The following IP6K2 variants were observed in gnomAD, a reference collection of about 807,000 sequenced individuals.
The protein encoded by IP6K2 is inositol hexakisphosphate kinase 2.
In IP6K2, 9 loss-of-function variants were observed where a neutral mutation model predicts 43.3. The observed-to-expected ratio is 0.21, with a 90% CI of 0.13 to 0.36. The LOEUF is 0.36. IP6K2 is among the 10% of genes least tolerant of loss of function. The probability of loss-of-function intolerance (pLI) is 1.00; values close to 1 mark genes in which losing one functional copy is unlikely to be tolerated. For missense variants in IP6K2, 332 were observed against 538.4 expected, an observed-to-expected ratio of 0.62 and a Z score of 3.79; for synonymous variants, 209 against 202.4, an observed-to-expected ratio of 1.03 and a Z score of -0.28.
chr3:48,699,889 C>A (rs2078840593), intron 1 of IP6K2: 1 of 152,066 alleles, frequency 6.6e-6, no homozygotes. Flanking sequence ...AAAAATTAAA[C>A]AGAATACAAC....
At position 48,692,975 on chromosome 3, in the gene IP6K2, C is replaced by G; in HGVS notation, c.407G>C (p.Arg136Pro). 1 of 1,612,338 alleles carries G rather than the reference C, an allele frequency of 6.2e-7. No homozygotes were observed. The highest frequency in any genetic ancestry group is 2.2e-5 in the East Asian group (1 of 44,886). ...TCACCTCTTCATTTTCTCCTCTTTACGGTGCTGACGCACCCAGTCCTTAGG... is the reference window on the plus strand; with the variant it reads ...TCACCTCTTCATTTTCTCCTCTTTAGGGTGCTGACGCACCCAGTCCTTAGG... ...KTPKDWVRQH[R>P]KEEKMKSHKL... is the part of the protein sequence containing the mutation. The change falls in exon 3 of 6, where the codon CGT (arginine) becomes CCT (proline). Residue 136 changes from arginine (R) to proline (P), a missense_variant. Transcript: ENST00000328631.
chr3:48,693,187 G>A lies in IP6K2; in HGVS notation c.203-8C>T, dbSNP rs1304217512. On this transcript the variant is annotated splice_polypyrimidine_tract_variant and splice_region_variant and intron_variant, in intron 2 of 5. Transcript: ENST00000328631. ...AGCGCACAGATACCACACCTGGAAG[G>A]GGGTGAGGAGCAGAAAGAACTTTTA... The A allele has an allele frequency of 6.2e-7, 1 of 1,604,792 alleles. No individual in the cohort carries two copies. The highest frequency in any genetic ancestry group is 8.5e-7 in the Non-Finnish European group (1 of 1,171,700).
At chr3:48,713,237 C>A (rs1418410955) in intron 1 of IP6K2, among the ~76,000 whole-genome samples, 2 of 152,240 alleles carry the variant, frequency 1.3e-5, no homozygotes, top group Admixed American at 6.5e-5. Flanking sequence ...GCCCATGGGG[C>A]ATCTCATTTG....
intron 1 of IP6K2, among the ~76,000 whole-genome samples, chr3:48,711,126 G>A (rs1013561761): frequency 1.1e-4 from 16 of 152,094 alleles, no homozygotes; most frequent in Non-Finnish European, 1.8e-4. Context: ...GCCCAGGCTG[G>A]TGTCGAACTC....
chr3:48,710,166 T>G (rs1412122925), intron 1 of IP6K2, among the ~76,000 whole-genome samples: 1 of 152,022 alleles, frequency 6.6e-6, no homozygotes, highest in Admixed American at 6.6e-5. Flanking sequence ...GCGGGAGGAT[T>G]GCTAGAGCTC....
chr3:48,712,447 C>G (rs376186641), intron 1 of IP6K2, among the ~76,000 whole-genome samples: 1 of 151,774 alleles, frequency 6.6e-6, no homozygotes, highest in East Asian at 2.0e-4. Flanking sequence ...AGGGTTTCAC[C>G]GTGTTAGCCA....
At position 48,689,526 on chromosome 3, in the gene IP6K2, C is replaced by T; in HGVS notation, c.780+12G>A. On this transcript the variant is annotated intron_variant, in intron 5 of 5. Transcript: ENST00000328631. ...CACTGGATGCCCTAGCCAGCCCTAG[C>T]ATCCCCCTCACCTGCATGCCACACA... 1 of 1,605,600 alleles carries T rather than the reference C, an allele frequency of 6.2e-7. No individual in the cohort carries two copies. Among genetic ancestry groups the T allele is most frequent in the Non-Finnish European group, 8.5e-7 (1 of 1,176,342 alleles).
intron 2 of IP6K2, chr3:48,694,336 C>T (rs2078071947): frequency 6.5e-7 from 1 of 1,548,328 alleles, no homozygotes; most frequent in Admixed American, 2.0e-5. Flanking sequence ...GAGAAAGGCA[C>T]CCAGTACATT....
intron 5 of IP6K2, among the ~76,000 whole-genome samples, chr3:48,689,056 G>A (rs1211844734): frequency 6.6e-6 from 1 of 152,224 alleles, no homozygotes; most frequent in Non-Finnish European, 1.5e-5. Context: ...ACTATCCACA[G>A]ATTCTGGACT....
In IP6K2 at chr3:48,709,836, C is replaced by CA. The variant is rs1212158300; in HGVS notation, c.-131+7320dup. On this transcript the variant is annotated intron_variant, in intron 1 of 5. Coordinates refer to ENST00000328631, the MANE Select transcript of IP6K2 (RefSeq NM_016291.4). Reference sequence around the variant, plus strand: ...TGGGCAAGAGAGCGAGACTCCATCTCAAAAAAAAAAAATTAATTAATTAAA... The same window carrying CA: ...TGGGCAAGAGAGCGAGACTCCATCTCAAAAAAAAAAAAATTAATTAATTAAA... Among the ~76,000 whole-genome samples the CA allele has an allele frequency of 7.7e-3, 946 of 122,116 alleles. 8 individuals are homozygous for CA. Among genetic ancestry groups the CA allele is most frequent in the African/African-American group, 0.025 (829 of 32,624 alleles). The allele number at this position is 122,116 out of a possible 152,430, so 80.1% of individuals were successfully genotyped here.
chr3:48,707,127 G>A (rs28567949), intron 1 of IP6K2, among the ~76,000 whole-genome samples: 20,225 of 152,056 alleles, frequency 0.13, 1,501 homozygotes, highest in African/African-American at 0.2. Context: ...ATGATTGCCC[G>A]CTTTTCAGTT....
intron 1 of IP6K2, among the ~76,000 whole-genome samples, chr3:48,705,728 C>T (rs751911645): frequency 2.0e-5 from 3 of 151,548 alleles, no homozygotes; most frequent in East Asian, 1.9e-4. Context: ...CTTGGCCAAG[C>T]GTGGTGGCTC....
At chr3:48,698,274 C>G (rs1020200345) in intron 1 of IP6K2, among the ~76,000 whole-genome samples, 1 of 152,184 alleles carries the variant, frequency 6.6e-6, no homozygotes, top group Non-Finnish European at 1.5e-5. Context: ...GGTCCGCCGA[C>G]CAGTACTAAA....
At chr3:48,716,573 C>A (rs982847134) in intron 1 of IP6K2, 2 of 152,152 alleles carry the variant, frequency 1.3e-5, no homozygotes, top group Admixed American at 1.3e-4. Flanking sequence ...TCCTCTTATC[C>A]ATTTAAAGGC....
intron 1 of IP6K2, chr3:48,715,411 G>T (rs1218626734): frequency 6.5e-7 from 1 of 1,536,182 alleles, no homozygotes; most frequent in Non-Finnish European, 8.7e-7. Flanking sequence ...CATCCCTCTT[G>T]GAAGGGAGAC....
intron 4 of IP6K2, among the ~76,000 whole-genome samples, chr3:48,690,081 T>C (rs1277893685): frequency 6.6e-6 from 1 of 152,216 alleles, no homozygotes; most frequent in Non-Finnish European, 1.5e-5. Flanking sequence ...CCTGTAGCCT[T>C]AAATGTGAAC....
intron 1 of IP6K2, chr3:48,716,543 G>A (rs998532895): frequency 7.9e-5 from 12 of 152,212 alleles, no homozygotes. Flanking sequence ...GTAAAGAGTG[G>A]AAATATCACT....
At chr3:48,714,896 T>C (rs1052369003) in intron 1 of IP6K2, among the ~76,000 whole-genome samples, 1 of 146,534 alleles carries the variant, frequency 6.8e-6, no homozygotes, top group Non-Finnish European at 1.5e-5. Flanking sequence ...ATAGGCACAG[T>C]GTAGATGAAA....
chr3:48,713,740 G>A (rs1292999765), intron 1 of IP6K2, among the ~76,000 whole-genome samples: 3 of 147,774 alleles, frequency 2.0e-5, no homozygotes, highest in East Asian at 4.0e-4. Flanking sequence ...GCAGTGAGCC[G>A]AGATCACACC....
Sources: allele counts gnomAD v4.1 joint callset (sites outside exome capture counted in the v4.1 genomes callset), GRCh38; gene constraint gnomAD v4.1.1; transcripts MANE v1.5; gene names NCBI Gene and HGNC (gene_info 2026-07-23, HGNC 2026-07-21).